PTPRD: variants seen among roughly 807,000 people sequenced by gnomAD.
The protein encoded by PTPRD is protein tyrosine phosphatase receptor type D, also known as receptor-type tyrosine-protein phosphatase delta.
PTPRD carries 34 observed loss-of-function variants against 214.5 expected under a neutral mutation model. The observed-to-expected ratio is 0.16, with a 90% CI of 0.12 to 0.21. The LOEUF (loss-of-function observed/expected upper bound fraction) is 0.21, where lower values mean the gene tolerates loss of function less well. Ranked by LOEUF, PTPRD falls within the 10% of genes least tolerant of loss-of-function variation. The pLI, the probability that PTPRD is intolerant of heterozygous loss-of-function variation, is 1.00. For synonymous variants in PTPRD, 1,128 were observed against 845.7 expected, an observed-to-expected ratio of 1.33 and a Z score of -5.79; for missense variants, 2,545 against 2,398.7, an observed-to-expected ratio of 1.06 and a Z score of -1.27.
intron 14 of PTPRD, among the ~76,000 whole-genome samples, chr9:8,538,639 T>G (rs2077547283): frequency 6.6e-6 from 1 of 151,308 alleles, no homozygotes; most frequent in Admixed American, 6.6e-5. Context: ...ATATATACAT[T>G]TGTATACATA....
intron 5 of PTPRD, among the ~76,000 whole-genome samples, chr9:9,786,836 T>G (rs1342197753): frequency 6.6e-6 from 1 of 152,160 alleles, no homozygotes; most frequent in African/African-American, 2.4e-5. Flanking sequence ...TAATTTTTAT[T>G]AACTTCATAT....
intron 11 of PTPRD, among the ~76,000 whole-genome samples, chr9:8,866,024 A>T (rs568547331): frequency 6.6e-6 from 1 of 152,282 alleles, no homozygotes; most frequent in African/African-American, 2.4e-5. Context: ...TGACATTTTC[A>T]TTTTTAACTT....
At chr9:8,874,058 T>A (rs2098348128) in intron 11 of PTPRD, among the ~76,000 whole-genome samples, 1 of 152,140 alleles carries the variant, frequency 6.6e-6, no homozygotes. Flanking sequence ...GAACTTAGGG[T>A]AAAAATTTAA....
At chr9:8,447,220 C>T (rs1419478015) in intron 34 of PTPRD, among the ~76,000 whole-genome samples, 2 of 152,106 alleles carry the variant, frequency 1.3e-5, no homozygotes, top group Non-Finnish European at 2.9e-5. Context: ...CCTCTCTTAT[C>T]TCATTTTGTC....
rs1966286642 is a variant in PTPRD at position 9,321,195 on chromosome 9, G to C, written c.-203+76254C>G. Among the ~76,000 whole-genome samples, 5 of 152,268 alleles carry C rather than the reference G, an allele frequency of 3.3e-5. No homozygotes were observed. The South Asian group carries it at 1.0e-3, about 32-fold the overall frequency. The stretch of plus-strand genomic sequence containing the variant: ...GATTTTTCTCATGATTCTGATGTAT[G>C]TGGTACATATACTATTTGGGCCCTA... On this transcript the variant is annotated intron_variant, in intron 9 of 45. Transcript: ENST00000381196.
At chr9:10,149,278 C>T (rs1440767710) in intron 3 of PTPRD, among the ~76,000 whole-genome samples, 2 of 152,182 alleles carry the variant, frequency 1.3e-5, no homozygotes, top group Non-Finnish European at 2.9e-5. Flanking sequence ...ACATCAACAA[C>T]TCAAGATAGC....
chr9:10,584,356 C>A (rs931301040), intron 2 of PTPRD, among the ~76,000 whole-genome samples: 1 of 152,088 alleles, frequency 6.6e-6, no homozygotes, highest in Non-Finnish European at 1.5e-5. Context: ...AGAAGATAAA[C>A]AGAATTATTT....
chr9:8,831,034 A>C, intron 11 of PTPRD, among the ~76,000 whole-genome samples: 1 of 152,310 alleles, frequency 6.6e-6, no homozygotes, highest in South Asian at 2.1e-4. Context: ...GCTTCACCTA[A>C]GATAGGCACT....
intron 2 of PTPRD, among the ~76,000 whole-genome samples, chr9:10,349,009 C>T (rs148257845): frequency 6.6e-6 from 1 of 152,044 alleles, no homozygotes; most frequent in Non-Finnish European, 1.5e-5. Flanking sequence ...GGACATAGGA[C>T]AGAACTCAGA....
intron 35 of PTPRD, among the ~76,000 whole-genome samples, chr9:8,404,986 T>C (rs1033088901): frequency 1.7e-4 from 26 of 152,246 alleles, no homozygotes; most frequent in Non-Finnish European, 2.9e-5. Flanking sequence ...TCATCTTGGT[T>C]CAATATTCCT....
At chr9:8,338,416 A>G (rs1849065049) in intron 43 of PTPRD, among the ~76,000 whole-genome samples, 1 of 152,144 alleles carries the variant, frequency 6.6e-6, no homozygotes, top group Non-Finnish European at 1.5e-5. Context: ...GGAATAAGCC[A>G]TGCCAGGAAT....
chr9:8,805,139 T>C (rs945480024), intron 11 of PTPRD, among the ~76,000 whole-genome samples: 30 of 152,050 alleles, frequency 2.0e-4, no homozygotes, highest in African/African-American at 7.0e-4. Context: ...ATAAGAAGAA[T>C]GAAAGAAAAA....
chr9:9,566,443 T>A (rs554099558), intron 8 of PTPRD, among the ~76,000 whole-genome samples: 2 of 152,138 alleles, frequency 1.3e-5, no homozygotes, highest in South Asian at 4.1e-4. Flanking sequence ...TCTCTGTACG[T>A]GCTTTTCGAT....
At chr9:9,252,879 G>A (rs984723777) in intron 9 of PTPRD, among the ~76,000 whole-genome samples, 3 of 151,880 alleles carry the variant, frequency 2.0e-5, no homozygotes, top group African/African-American at 7.3e-5. Context: ...AAGAGTAGAA[G>A]GAATGAAAGA....
intron 10 of PTPRD, among the ~76,000 whole-genome samples, chr9:9,130,617 T>C (rs904143317): frequency 1.3e-5 from 2 of 152,200 alleles, no homozygotes; most frequent in Non-Finnish European, 2.9e-5. Context: ...TTATTGAGAC[T>C]TACCTCAAAG....
chr9:8,369,372 A>C (rs1032824200), intron 39 of PTPRD, among the ~76,000 whole-genome samples: 1 of 151,932 alleles, frequency 6.6e-6, no homozygotes, highest in Non-Finnish European at 1.5e-5. Flanking sequence ...TGGCCTACAT[A>C]GTTTCCTGGT....
chr9:8,729,847 C>T (rs2098635440), intron 12 of PTPRD, among the ~76,000 whole-genome samples: 1 of 152,210 alleles, frequency 6.6e-6, no homozygotes, highest in Non-Finnish European at 1.5e-5. Flanking sequence ...TATCTTACAA[C>T]ACAGATGTCA....
chr9:10,225,489 G>A (rs181683562), intron 3 of PTPRD, among the ~76,000 whole-genome samples: 1 of 152,118 alleles, frequency 6.6e-6, no homozygotes, highest in East Asian at 1.9e-4. Context: ...GGTGATATGA[G>A]GATGAAAAGT....
intron 7 of PTPRD, among the ~76,000 whole-genome samples, chr9:9,650,535 C>A (rs538956918): frequency 6.6e-6 from 1 of 151,956 alleles, no homozygotes; most frequent in Non-Finnish European, 1.5e-5. Flanking sequence ...TTTGTTGTAT[C>A]TTTGGCAGGT....
Sources: allele counts gnomAD v4.1 joint callset (sites outside exome capture counted in the v4.1 genomes callset), GRCh38; gene constraint gnomAD v4.1.1; transcripts MANE v1.5; gene names NCBI Gene and HGNC (gene_info 2026-07-23, HGNC 2026-07-21).